RPSA2: variants seen among roughly 807,000 people sequenced by gnomAD.
RPSA2 encodes the protein small ribosomal subunit protein uS2B.
At chr19:23,840,383 TC>T in the RPSA2 span, among the ~76,000 whole-genome samples, 1 of 152,186 alleles carries the variant, frequency 6.6e-6, no homozygotes, top group African/African-American at 2.4e-5. Flanking sequence ...TTGAAAGTAT[TC>T]CCTTTGTTGA....
At chr19:23,858,820 G>A in the RPSA2 span, among the ~76,000 whole-genome samples, 2 of 152,200 alleles carry the variant, frequency 1.3e-5, no homozygotes, top group Admixed American at 1.3e-4. Flanking sequence ...TAGAAGATTA[G>A]GGTGGGGCAG....
the RPSA2 span, among the ~76,000 whole-genome samples, chr19:23,773,251 C>T: frequency 1.3e-5 from 2 of 149,684 alleles, no homozygotes; most frequent in African/African-American, 4.9e-5. Context: ...TGCCTGCCAC[C>T]ACGCCTGGCT....
At chr19:23,837,459 C>T in the RPSA2 span, among the ~76,000 whole-genome samples, 132 of 149,342 alleles carry the variant, frequency 8.8e-4, no homozygotes, top group Middle Eastern at 0.011. Context: ...ATATGGGCTT[C>T]GTATGATTTT....
At chr19:23,773,079 GTATGTGTGTGTA>G in the RPSA2 span, among the ~76,000 whole-genome samples, 146 of 1,880 alleles carry the variant, frequency 0.078, no homozygotes, top group African/African-American at 0.17. Flanking sequence ...CCTCCTGTGT[GTATGTGTGTGTA>G]TATATATATA....
the RPSA2 span, among the ~76,000 whole-genome samples, chr19:23,801,036 T>A: frequency 6.6e-6 from 1 of 152,186 alleles, no homozygotes; most frequent in African/African-American, 2.4e-5. Flanking sequence ...GTGTAACAAG[T>A]GTGCATTGAG....
At chr19:23,809,738 GTT>G in the RPSA2 span, among the ~76,000 whole-genome samples, 10 of 151,038 alleles carry the variant, frequency 6.6e-5, no homozygotes, top group Non-Finnish European at 1.0e-4. Flanking sequence ...TACTGTTTAT[GTT>G]TTTTTTTTAT....
the RPSA2 span, among the ~76,000 whole-genome samples, chr19:23,775,288 A>T: frequency 4.6e-5 from 7 of 152,262 alleles, no homozygotes; most frequent in African/African-American, 1.7e-4. Flanking sequence ...TGAAATTGTG[A>T]CTGTTGTAAG....
chr19:23,769,242 AT>A, the RPSA2 span, among the ~76,000 whole-genome samples: 1 of 152,284 alleles, frequency 6.6e-6, no homozygotes, highest in Non-Finnish European at 1.5e-5. Context: ...ATTTTGACAC[AT>A]TGCTGGGCCT....
the RPSA2 span, among the ~76,000 whole-genome samples, chr19:23,855,455 T>A: frequency 6.6e-6 from 1 of 152,200 alleles, no homozygotes; most frequent in Non-Finnish European, 1.5e-5. Context: ...TGGCACATAC[T>A]GATGCACTTG....
chr19:23,769,209 C>G, the RPSA2 span, among the ~76,000 whole-genome samples: 1 of 152,344 alleles, frequency 6.6e-6, no homozygotes, highest in South Asian at 2.1e-4. Context: ...TTTTCTTAGG[C>G]CTGGGCCCTA....
chr19:23,867,249 T>A, the RPSA2 span, among the ~76,000 whole-genome samples: 2 of 152,118 alleles, frequency 1.3e-5, no homozygotes, highest in Admixed American at 1.3e-4. Flanking sequence ...AATCTCCACA[T>A]CCCTAGTGGG....
chr19:23,840,050 G>A, the RPSA2 span, among the ~76,000 whole-genome samples: 1 of 152,148 alleles, frequency 6.6e-6, no homozygotes, highest in Non-Finnish European at 1.5e-5. Context: ...AGATAAAGGT[G>A]GTGATTTTTT....
the RPSA2 span, among the ~76,000 whole-genome samples, chr19:23,769,494 C>G: frequency 2.0e-5 from 3 of 152,204 alleles, no homozygotes; most frequent in African/African-American, 7.2e-5. Context: ...TAGGCATGCA[C>G]CGCCACAGTC....
chr19:23,798,607 T>A, the RPSA2 span, among the ~76,000 whole-genome samples: 89 of 151,898 alleles, frequency 5.9e-4, no homozygotes, highest in African/African-American at 1.4e-3. Flanking sequence ...AGAAATTTTT[T>A]AAAAAATCCT....
the RPSA2 span, among the ~76,000 whole-genome samples, chr19:23,833,855 C>T: frequency 6.6e-6 from 1 of 151,996 alleles, no homozygotes; most frequent in Non-Finnish European, 1.5e-5. Flanking sequence ...TCTTATTGTA[C>T]ACATTTTGTG....
At chr19:23,764,327 T>C in the RPSA2 span, among the ~76,000 whole-genome samples, 1 of 152,354 alleles carries the variant, frequency 6.6e-6, no homozygotes, top group East Asian at 1.9e-4. Context: ...TTCTCAAATG[T>C]AGGAAATGAG....
At chr19:23,821,511 A>C in the RPSA2 span, among the ~76,000 whole-genome samples, 9 of 151,844 alleles carry the variant, frequency 5.9e-5, no homozygotes, top group African/African-American at 1.9e-4. Flanking sequence ...TGCCTCCCCC[A>C]CTTCTAATGT....
At chr19:23,769,044 A>G in the RPSA2 span, among the ~76,000 whole-genome samples, 49 of 152,152 alleles carry the variant, frequency 3.2e-4, no homozygotes, top group African/African-American at 1.2e-3. Context: ...TGAGTTTAGC[A>G]TACAGGTGAT....
chr19:23,782,189 G>C, the RPSA2 span: 1 of 152,238 alleles, frequency 6.6e-6, no homozygotes, highest in Non-Finnish European at 1.5e-5. Flanking sequence ...CCCTGGAAAT[G>C]TGATTTACTT....
Sources: allele counts gnomAD v4.1 joint callset (sites outside exome capture counted in the v4.1 genomes callset), GRCh38; gene constraint gnomAD v4.1.1; transcripts MANE v1.5; gene names NCBI Gene and HGNC (gene_info 2026-07-23, HGNC 2026-07-21).